Variants in PTBP2 observed in about 807,000 individuals in gnomAD.
PTBP2 encodes the protein polypyrimidine tract-binding protein 2.
A neutral mutation model predicts 61.4 loss-of-function variants in PTBP2; 13 were observed. That is an observed-to-expected ratio of 0.21 (90% CI 0.14 to 0.34). The LOEUF (loss-of-function observed/expected upper bound fraction) is 0.34, where lower values mean the gene tolerates loss of function less well. Ranked by LOEUF, PTBP2 falls within the 10% of genes least tolerant of loss-of-function variation. The pLI is 1.00. For synonymous variants in PTBP2, 215 were observed against 218.5 expected (o/e 0.98, Z 0.14); for missense variants, 405 against 642.6 (o/e 0.63, Z 4.00).
In PTBP2 at chr1:96,801,817, C is replaced by T. The variant is rs773599805; in HGVS notation, c.905-2983C>T. ...TGGAGGTTGCAGTGAGCCAAAATCT[C>T]GCCATTACACTCCAGCCTGGGGGAC... On this transcript the variant is annotated intron_variant, in intron 8 of 13. Transcript: ENST00000674951. Among the ~76,000 whole-genome samples, 69 of 148,628 alleles carry T rather than the reference C, an allele frequency of 4.6e-4. 1 individual carries two copies. The highest frequency in any genetic ancestry group is 8.6e-4 in the Non-Finnish European group (58 of 67,470).
intron 2 of PTBP2, among the ~76,000 whole-genome samples, chr1:96,738,820 A>T (rs1297754544): frequency 1.3e-5 from 2 of 152,218 alleles, no homozygotes; most frequent in African/African-American, 4.8e-5. Flanking sequence ...AGTGCTTTAG[A>T]AAATAATGCT....
intron 8 of PTBP2, among the ~76,000 whole-genome samples, chr1:96,801,469 T>A (rs919413364): frequency 2.6e-5 from 4 of 152,212 alleles, no homozygotes; most frequent in African/African-American, 9.7e-5. Context: ...ACGGTAATAC[T>A]AAAGTGTATT....
intron 11 of PTBP2, among the ~76,000 whole-genome samples, chr1:96,808,906 AAGTT>A (rs1173671132): frequency 6.6e-6 from 1 of 152,172 alleles, no homozygotes; most frequent in Non-Finnish European, 1.5e-5. Context: ...GGTATTTAAA[AAGTT>A]AGCTATATAC....
exon 14 of PTBP2, chr1:96,822,701 A>G (rs1662721882): frequency 6.6e-6 from 1 of 152,222 alleles, no homozygotes; most frequent in African/African-American, 2.4e-5. Flanking sequence ...AAATTACAAA[A>G]TTAAGACTTC....
intron 2 of PTBP2, among the ~76,000 whole-genome samples, chr1:96,730,171 C>T (rs1335098272): frequency 3.9e-5 from 6 of 151,988 alleles, no homozygotes. Context: ...TCCAAAATAC[C>T]AGCTTTTGGT....
intron 2 of PTBP2, among the ~76,000 whole-genome samples, chr1:96,742,303 T>C (rs184275020): frequency 1.4e-3 from 206 of 152,298 alleles, no homozygotes; most frequent in Non-Finnish European, 2.5e-3. Flanking sequence ...AAACAGCTTA[T>C]ATGTAAGGGA....
chr1:96,784,451 C>CT (rs1261890197), intron 7 of PTBP2, among the ~76,000 whole-genome samples: 1 of 152,116 alleles, frequency 6.6e-6, no homozygotes, highest in Non-Finnish European at 1.5e-5. Flanking sequence ...AGTTTCAGAA[C>CT]TTTTCGGGAA....
chr1:96,762,851 C>T lies in PTBP2; in HGVS notation c.116-6852C>T, dbSNP rs1265481883. 4.0e-5 allele frequency among the ~76,000 whole-genome samples: 6 copies of T among 150,824 alleles called. No homozygotes were observed. In the East Asian group the frequency reaches 6.0e-4, roughly 15 times the overall value. On this transcript the variant is annotated intron_variant, in intron 3 of 13. Transcript: ENST00000674951. ...GCGGCTGCTGGGCGGAGGGACTCCT[C>T]GCTTCTCAGATGGGGCGGCCGGGCC...
At chr1:96,723,493 A>T in intron 1 of PTBP2, 71 bp from the exon 2 acceptor site, 1 of 1,340,952 alleles carries the variant, frequency 7.5e-7, no homozygotes. Context: ...TATCCTAAAA[A>T]GTTTTAGAGC....
At chr1:96,738,321 T>C (rs1652513816) in intron 2 of PTBP2, among the ~76,000 whole-genome samples, 1 of 152,102 alleles carries the variant, frequency 6.6e-6, no homozygotes, top group Admixed American at 6.5e-5. Flanking sequence ...TGAGATGGAG[T>C]CTCGCTCTGT....
At chr1:96,723,706 TA>T in intron 2 of PTBP2, 112 bp downstream of exon 2, 1 of 913,176 alleles carries the variant, frequency 1.1e-6, no homozygotes, top group Non-Finnish European at 1.7e-6. Context: ...AACCCAAGTG[TA>T]AAATGTTTCC....
chr1:96,797,315 T>G (rs1478009423), intron 8 of PTBP2, among the ~76,000 whole-genome samples: 6 of 152,118 alleles, frequency 3.9e-5, no homozygotes, highest in East Asian at 1.9e-4. Flanking sequence ...GAAGTTTCAT[T>G]AGAAGAAAAG....
At chr1:96,729,525 C>G (rs114781422) in intron 2 of PTBP2, among the ~76,000 whole-genome samples, 2,833 of 152,210 alleles carry the variant, frequency 0.019, 89 homozygotes, top group African/African-American at 0.064. Flanking sequence ...TTAACTGACA[C>G]AGTTCACTAG....
chr1:96,788,901 A>G (rs1659488224), intron 8 of PTBP2, among the ~76,000 whole-genome samples: 1 of 152,094 alleles, frequency 6.6e-6, no homozygotes, highest in Non-Finnish European at 1.5e-5. Context: ...AAGGAGACTG[A>G]GTGCTTTGTA....
chr1:96,733,293 G>T (rs1212805714), intron 2 of PTBP2, among the ~76,000 whole-genome samples: 1 of 152,066 alleles, frequency 6.6e-6, no homozygotes, highest in Non-Finnish European at 1.5e-5. Context: ...CAGGGACCTT[G>T]TGATTACAAT....
chr1:96,765,045 C>A (rs949951084), intron 3 of PTBP2, among the ~76,000 whole-genome samples: 2 of 152,162 alleles, frequency 1.3e-5, no homozygotes, highest in Non-Finnish European at 2.9e-5. Context: ...TGCTTTTTTT[C>A]TCTTTAACTC....
intron 8 of PTBP2, among the ~76,000 whole-genome samples, chr1:96,793,571 C>T (rs903669832): frequency 2.0e-5 from 3 of 152,150 alleles, no homozygotes; most frequent in Admixed American, 6.5e-5. Context: ...CAGGCTTTCA[C>T]CGTGTTAGCC....
intron 2 of PTBP2, among the ~76,000 whole-genome samples, chr1:96,727,632 C>T (rs1478092697): frequency 4.6e-5 from 7 of 151,994 alleles, no homozygotes; most frequent in Admixed American, 1.3e-4. Flanking sequence ...AATTTGCATT[C>T]CTCTAATATC....
intron 8 of PTBP2, among the ~76,000 whole-genome samples, chr1:96,803,982 G>A (rs1173817017): frequency 1.3e-5 from 2 of 152,102 alleles, no homozygotes; most frequent in Admixed American, 1.3e-4. Context: ...AAAAGTAGAT[G>A]AACGGTGCTA....
Sources: allele counts gnomAD v4.1 joint callset (sites outside exome capture counted in the v4.1 genomes callset), GRCh38; gene constraint gnomAD v4.1.1; transcripts MANE v1.5; gene names NCBI Gene and HGNC (gene_info 2026-07-23, HGNC 2026-07-21).